Variants in AKAP7 observed in about 807,000 individuals in gnomAD.
AKAP7 encodes A-kinase anchoring protein 7, also known as A kinase (PRKA) anchor protein 7.
AKAP7 carries 39 observed loss-of-function variants against 39.5 expected under a neutral mutation model. That is an observed-to-expected ratio of 0.99 (90% CI 0.76 to 1.29). The LOEUF is 1.29. AKAP7 is among the 50% of genes most tolerant of loss of function. The pLI is 0.00. For synonymous variants in AKAP7, 140 were observed against 139.1 expected, an observed-to-expected ratio of 1.01 and a Z score of -0.05; for missense variants, 414 against 407.7, an observed-to-expected ratio of 1.02 and a Z score of -0.13.
chr6:131,174,351 CTATT>C (rs1357257990), intron 5 of AKAP7, among the ~76,000 whole-genome samples: 1 of 152,228 alleles, frequency 6.6e-6, no homozygotes, highest in Admixed American at 6.5e-5. Flanking sequence ...GATATAGCCT[CTATT>C]TACATAGTGT....
intron 5 of AKAP7, among the ~76,000 whole-genome samples, chr6:131,182,161 T>C (rs999211355): frequency 1.3e-5 from 2 of 152,144 alleles, no homozygotes; most frequent in African/African-American, 4.8e-5. Flanking sequence ...GTAAAATACA[T>C]ATAATATGAA....
At chr6:131,256,878 G>T (rs1349835961) in intron 7 of AKAP7, among the ~76,000 whole-genome samples, 1 of 151,904 alleles carries the variant, frequency 6.6e-6, no homozygotes, top group Non-Finnish European at 1.5e-5. Flanking sequence ...TATCCCAAGT[G>T]CTCTTGGGAA....
intron 5 of AKAP7, among the ~76,000 whole-genome samples, chr6:131,194,178 T>TA (rs1806691358): frequency 6.6e-6 from 1 of 152,026 alleles, no homozygotes; most frequent in Non-Finnish European, 1.5e-5. Flanking sequence ...CTTAAAACAA[T>TA]AAAATTCCCT....
At chr6:131,182,732 A>G (rs1462376228) in intron 5 of AKAP7, among the ~76,000 whole-genome samples, 3 of 152,186 alleles carry the variant, frequency 2.0e-5, no homozygotes, top group Non-Finnish European at 4.4e-5. Flanking sequence ...AATGTTTTCT[A>G]TAGCAGCTGG....
intron 7 of AKAP7, among the ~76,000 whole-genome samples, chr6:131,237,355 G>A (rs1335295803): frequency 6.6e-6 from 1 of 152,162 alleles, no homozygotes; most frequent in Non-Finnish European, 1.5e-5. Flanking sequence ...AGGGATATTG[G>A]TCTAAAATTC....
chr6:131,240,799 G>C (rs192449578), intron 7 of AKAP7, among the ~76,000 whole-genome samples: 1 of 152,276 alleles, frequency 6.6e-6, no homozygotes, highest in Non-Finnish European at 1.5e-5. Context: ...TCCAGGTGCC[G>C]TCTGTCACCC....
At chr6:131,247,142 A>G (rs1468353744) in intron 7 of AKAP7, among the ~76,000 whole-genome samples, 1 of 151,324 alleles carries the variant, frequency 6.6e-6, no homozygotes, top group African/African-American at 2.4e-5. Flanking sequence ...CTTATCTTGA[A>G]TTTCTCCATT....
chr6:131,142,686 C>T lies in AKAP7; in HGVS notation c.20-2599C>T, dbSNP rs1048062131. Among the ~76,000 whole-genome samples, 4 of 152,332 alleles carry T rather than the reference C, an allele frequency of 2.6e-5. No homozygotes were observed. The South Asian group carries it at 8.3e-4, about 32-fold the overall frequency. ...CCCAGAGTCTCCACCAGGGCACTGC[C>T]TAGTGGAGCTGTGGGAAGGGGGCTG... On this transcript the variant is annotated intron_variant, in intron 1 of 7. Transcript: ENST00000431975.
the AKAP7 span, among the ~76,000 whole-genome samples, chr6:131,130,320 T>A: frequency 6.6e-6 from 1 of 152,212 alleles, no homozygotes; most frequent in African/African-American, 2.4e-5. Flanking sequence ...TCTCTTTTTT[T>A]GAGATGGAGT....
At chr6:131,192,470 A>G (rs909661809) in intron 5 of AKAP7, among the ~76,000 whole-genome samples, 9 of 152,184 alleles carry the variant, frequency 5.9e-5, no homozygotes, top group African/African-American at 1.7e-4. Context: ...TGCCAGTGCC[A>G]TGCTGTTTTT....
At chr6:131,276,521 T>C (rs912525907) in intron 7 of AKAP7, among the ~76,000 whole-genome samples, 13 of 151,998 alleles carry the variant, frequency 8.6e-5, no homozygotes, top group African/African-American at 3.1e-4. Context: ...TGCTTCTTTT[T>C]AGTTAGATGG....
intron 5 of AKAP7, among the ~76,000 whole-genome samples, chr6:131,196,404 T>C (rs912768285): frequency 3.9e-5 from 6 of 151,960 alleles, no homozygotes; most frequent in African/African-American, 1.5e-4. Flanking sequence ...TAGCTGGGAT[T>C]ACAGGCACGC....
the AKAP7 span, among the ~76,000 whole-genome samples, chr6:131,126,688 C>A: frequency 6.6e-6 from 1 of 152,162 alleles, no homozygotes; most frequent in African/African-American, 2.4e-5. Flanking sequence ...ATTAAATGCT[C>A]GTGGCGTGAA....
chr6:131,145,410 T>C lies in AKAP7; in HGVS notation c.145T>C (p.Cys49Arg). Residue 49 changes from cysteine to arginine, a missense_variant, in exon 2 of 8, where the codon TGT becomes CGT. Physicochemically the swap from Cys to Arg is radical, Grantham distance 180 (BLOSUM62 -3). Transcript: ENST00000431975. ...TGCTACTGTAGATATTCAGGATGACTGTGGAAGTAAGTACTTTATTAAGTA... is the reference window on the plus strand; with the variant it reads ...TGCTACTGTAGATATTCAGGATGACCGTGGAAGTAAGTACTTTATTAAGTA... ...PFATVDIQDD[C>R]GITDEPQINL... is the part of the protein sequence containing the mutation. 1 of 1,512,532 alleles carries C rather than the reference T, an allele frequency of 6.6e-7. No individual in the cohort carries two copies. The highest frequency in any genetic ancestry group is 2.0e-5 in the Admixed American group (1 of 48,914). The allele number at this position is 1,512,532 out of a possible 1,614,324, so 93.7% of individuals were successfully genotyped here.
At chr6:131,140,539 A>G (rs1800942802) in intron 1 of AKAP7, among the ~76,000 whole-genome samples, 2 of 152,116 alleles carry the variant, frequency 1.3e-5, no homozygotes, top group Admixed American at 6.5e-5. Context: ...CCTCTCCCTC[A>G]CTTATTGCTA....
chr6:131,148,481 G>A (rs371345219), intron 2 of AKAP7, among the ~76,000 whole-genome samples: 1 of 149,500 alleles, frequency 6.7e-6, no homozygotes, highest in Non-Finnish European at 1.5e-5. Context: ...TCCCCCCCCC[G>A]TTTATCTCAT....
In AKAP7 at chr6:131,250,442, A is replaced by G. The variant is rs1184240554; in HGVS notation, c.850+30634A>G. On this transcript the variant is annotated intron_variant, in intron 7 of 7. Coordinates refer to ENST00000431975, the MANE Select transcript of AKAP7 (RefSeq NM_016377.4). Reference sequence around the variant, plus strand: ...CGGCGGCGTGTGCATTGGCTCTTCAAGCTGCCTGTGCTGCTCCGTGGAGTG... The same window carrying G: ...CGGCGGCGTGTGCATTGGCTCTTCAGGCTGCCTGTGCTGCTCCGTGGAGTG... 8.6e-6 allele frequency: 13 copies of G among 1,503,056 alleles called. No individual in the cohort carries two copies. The South Asian group carries it at 1.1e-4, about 12-fold the overall frequency. The allele number at this position is 1,503,056 out of a possible 1,614,324, so 93.1% of individuals were successfully genotyped here.
intron 2 of AKAP7, among the ~76,000 whole-genome samples, chr6:131,159,584 C>G (rs1239204466): frequency 3.3e-5 from 5 of 152,202 alleles, no homozygotes; most frequent in African/African-American, 1.2e-4. Context: ...ATTTTTGCAA[C>G]AAATAGTTTA....
At chr6:131,160,325 C>G in intron 3 of AKAP7, 127 bp downstream of exon 3, 1 of 904,094 alleles carries the variant, frequency 1.1e-6, no homozygotes, top group Non-Finnish European at 1.7e-6. Flanking sequence ...CAGGACTGTC[C>G]AGGGAATATT....
Sources: allele counts gnomAD v4.1 joint callset (sites outside exome capture counted in the v4.1 genomes callset), GRCh38; gene constraint gnomAD v4.1.1; transcripts MANE v1.5; gene names NCBI Gene and HGNC (gene_info 2026-07-23, HGNC 2026-07-21).